GRID2: variants seen among roughly 807,000 people sequenced by gnomAD.
GRID2 encodes glutamate receptor ionotropic, delta-2.
Under a neutral mutation model 114.8 loss-of-function variants are expected in GRID2, and 33 were observed. The observed-to-expected ratio is 0.29, with a 90% CI of 0.22 to 0.38. GRID2 has a LOEUF of 0.38. Ranked by LOEUF, GRID2 falls within the 10% of genes least tolerant of loss-of-function variation. The pLI is 1.00. For synonymous variants in GRID2, 505 were observed against 449.9 expected, an observed-to-expected ratio of 1.12 and a Z score of -1.55; for missense variants, 1,184 against 1,257.7, an observed-to-expected ratio of 0.94 and a Z score of 0.89.
intron 1 of GRID2, among the ~76,000 whole-genome samples, chr4:92,326,001 AAGATAATT>A (rs2110134837): frequency 6.6e-6 from 1 of 152,000 alleles, no homozygotes; most frequent in East Asian, 1.9e-4. Context: ...ATGTTTATGT[AAGATAATT>A]CTACACATGA....
At position 93,272,082 on chromosome 4, in the gene GRID2, A is replaced by C. The variant is rs188258392; in HGVS notation, c.1245+33592A>C. Among the ~76,000 whole-genome samples, 180 of 152,288 alleles carry C rather than the reference A, an allele frequency of 1.2e-3. 3 individuals carry two copies. The highest frequency in any genetic ancestry group is 4.3e-3 in the African/African-American group (177 of 41,570). On this transcript the variant is annotated intron_variant, in intron 8 of 15. Transcript: ENST00000282020. ...CTATCTATAAATCTTACCCAAGGGC[A>C]CAGCTCCTTAGGTAAGAAGTAGCCT...
chr4:93,798,158 AG>A (rs1281189236), intron 1 of GRID2, among the ~76,000 whole-genome samples: 1 of 152,142 alleles, frequency 6.6e-6, no homozygotes, highest in Non-Finnish European at 1.5e-5. Context: ...CTTCTCAAGA[AG>A]AAAAAAAATA....
At chr4:92,951,430 C>CATT (rs1752030790) in intron 2 of GRID2, among the ~76,000 whole-genome samples, 2 of 151,876 alleles carry the variant, frequency 1.3e-5, no homozygotes, top group Non-Finnish European at 2.9e-5. Context: ...CTCGCTGCAG[C>CATT]CTGGACCTTA....
intron 14 of GRID2, among the ~76,000 whole-genome samples, chr4:93,741,243 G>C (rs1731394620): frequency 7.3e-6 from 1 of 136,690 alleles, no homozygotes; most frequent in South Asian, 2.3e-4. Flanking sequence ...CCAAGGTTTT[G>C]ACTCAATGGA....
intron 2 of GRID2, among the ~76,000 whole-genome samples, chr4:93,065,346 G>T (rs556862765): frequency 6.6e-6 from 1 of 151,894 alleles, no homozygotes; most frequent in South Asian, 2.1e-4. Flanking sequence ...GATGTTTCAG[G>T]GACATACACA....
At chr4:92,993,125 G>T (rs1755005025) in intron 2 of GRID2, among the ~76,000 whole-genome samples, 1 of 151,946 alleles carries the variant, frequency 6.6e-6, no homozygotes, top group Non-Finnish European at 1.5e-5. Flanking sequence ...CGAGACATTT[G>T]CTAGCTTACT....
intron 1 of GRID2, among the ~76,000 whole-genome samples, chr4:92,334,653 C>T (rs1043526895): frequency 6.6e-6 from 1 of 152,044 alleles, no homozygotes; most frequent in Non-Finnish European, 1.5e-5. Context: ...CATTAATGCC[C>T]ACAAGGTAGA....
At chr4:92,936,290 T>A (rs544991188) in intron 2 of GRID2, among the ~76,000 whole-genome samples, 1 of 146,538 alleles carries the variant, frequency 6.8e-6, no homozygotes, top group African/African-American at 2.4e-5. Flanking sequence ...TCCTTTCAAA[T>A]TGATTAAATG....
intron 1 of GRID2, among the ~76,000 whole-genome samples, chr4:92,396,564 T>C (rs983711332): frequency 8.5e-5 from 13 of 152,130 alleles, no homozygotes; most frequent in South Asian, 2.1e-4. Context: ...ATGAAGATTA[T>C]GTCATACCTA....
At chr4:93,805,922 C>A (rs972346485) in intron 1 of GRID2, among the ~76,000 whole-genome samples, 14 of 152,152 alleles carry the variant, frequency 9.2e-5, no homozygotes, top group African/African-American at 3.4e-4. Context: ...TATGGTAAAA[C>A]CCCATCTTTA....
chr4:93,110,443 A>G (rs1353066036), intron 3 of GRID2, among the ~76,000 whole-genome samples: 4 of 152,160 alleles, frequency 2.6e-5, no homozygotes, highest in African/African-American at 9.7e-5. Flanking sequence ...CTCTAGAGAA[A>G]TGGGGCATCT....
chr4:92,842,713 G>C (rs1385810687), intron 2 of GRID2, among the ~76,000 whole-genome samples: 14 of 151,932 alleles, frequency 9.2e-5, no homozygotes. Flanking sequence ...ATAAGACTTA[G>C]AAGAAAAAGA....
chr4:93,511,048 T>A (rs893381402), intron 12 of GRID2, among the ~76,000 whole-genome samples: 8 of 152,130 alleles, frequency 5.3e-5, no homozygotes, highest in African/African-American at 1.9e-4. Context: ...GTGATTCCCC[T>A]GCCTCAGCCT....
intron 11 of GRID2, among the ~76,000 whole-genome samples, chr4:93,484,602 A>G (rs954279441): frequency 6.6e-6 from 1 of 151,958 alleles, no homozygotes; most frequent in African/African-American, 2.4e-5. Flanking sequence ...GACAGAAAGA[A>G]GAAAGTGACA....
chr4:93,433,129 A>G (rs1326292201), intron 10 of GRID2, among the ~76,000 whole-genome samples: 1 of 152,220 alleles, frequency 6.6e-6, no homozygotes, highest in African/African-American at 2.4e-5. Flanking sequence ...CAACATAGTA[A>G]TAATAGGGTA....
At chr4:93,224,164 T>C (rs1465015114) in intron 6 of GRID2, among the ~76,000 whole-genome samples, 1 of 152,168 alleles carries the variant, frequency 6.6e-6, no homozygotes, top group Non-Finnish European at 1.5e-5. Flanking sequence ...TAGGTACCTA[T>C]GACATTCATA....
At chr4:93,256,307 A>G (rs906750710) in intron 8 of GRID2, among the ~76,000 whole-genome samples, 2 of 152,064 alleles carry the variant, frequency 1.3e-5, no homozygotes, top group Non-Finnish European at 1.5e-5. Flanking sequence ...TTTTGATTGA[A>G]AATACATTGG....
intron 2 of GRID2, among the ~76,000 whole-genome samples, chr4:92,730,173 A>C (rs2149323655): frequency 6.6e-6 from 1 of 151,978 alleles, no homozygotes; most frequent in African/African-American, 2.4e-5. Context: ...TTCTTTCCAT[A>C]GCACTTGGGA....
intron 8 of GRID2, among the ~76,000 whole-genome samples, chr4:93,265,029 C>T (rs1750665108): frequency 1.3e-5 from 2 of 151,774 alleles, no homozygotes; most frequent in African/African-American, 4.8e-5. Flanking sequence ...GATCTGCCCA[C>T]CTCAGCCTCC....
Sources: gnomAD v4.1 joint callset for allele counts (sites outside exome capture counted in the v4.1 genomes callset) on GRCh38, gnomAD v4.1.1 for gene constraint, MANE v1.5 for transcripts, NCBI Gene and HGNC (gene_info 2026-07-23, HGNC 2026-07-21) for gene names.